RANBP2: variants seen among roughly 807,000 people sequenced by gnomAD.
RANBP2 encodes E3 SUMO-protein ligase RanBP2.
RANBP2 carries 57 observed loss-of-function variants against 303.6 expected under a neutral mutation model. That is an observed-to-expected ratio of 0.19 (90% CI 0.15 to 0.23). The LOEUF is 0.23. RANBP2 is among the 10% of genes least tolerant of loss of function. The pLI is 1.00. For synonymous variants in RANBP2, 1,167 were observed against 1,301.5 expected, an observed-to-expected ratio of 0.90 and a Z score of 2.23; for missense variants, 3,138 against 3,780.8, an observed-to-expected ratio of 0.83 and a Z score of 4.46.
the RANBP2 span, among the ~76,000 whole-genome samples, chr2:109,718,580 A>G: frequency 2.0e-5 from 3 of 152,206 alleles, no homozygotes; most frequent in African/African-American, 7.2e-5. Context: ...GGATCAAGGT[A>G]CAGGAGGATG....
chr2:108,723,213 T>C lies in RANBP2; in HGVS notation c.72+3535T>C, dbSNP rs532426969. Among the ~76,000 whole-genome samples the C allele has an allele frequency of 3.3e-5, 5 of 152,248 alleles. No homozygotes were observed. In the East Asian group the frequency reaches 5.8e-4, roughly 18 times the overall value. On this transcript the variant is annotated intron_variant, in intron 1 of 28. Transcript: ENST00000283195. ...TGCCCTTTACAGCTATACTTCATAC[T>C]TCTGAGTAACACACATATATACTTT...
chr2:108,826,159 T>G, the RANBP2 span, among the ~76,000 whole-genome samples: 10 of 152,212 alleles, frequency 6.6e-5, no homozygotes, highest in African/African-American at 2.2e-4. Flanking sequence ...TCAAGATGGA[T>G]GTACCTTATC....
chr2:109,256,281 C>T, the RANBP2 span, among the ~76,000 whole-genome samples: 1 of 152,128 alleles, frequency 6.6e-6, no homozygotes, highest in African/African-American at 2.4e-5. Flanking sequence ...CCTGGTTGAG[C>T]GTATTACTGG....
At chr2:109,119,466 G>T in the RANBP2 span, among the ~76,000 whole-genome samples, 1 of 152,212 alleles carries the variant, frequency 6.6e-6, no homozygotes, top group South Asian at 2.1e-4. Context: ...GCCAAGACAA[G>T]AATTCAGATA....
chr2:108,888,828 C>G, the RANBP2 span, among the ~76,000 whole-genome samples: 1 of 151,476 alleles, frequency 6.6e-6, no homozygotes, highest in Non-Finnish European at 1.5e-5. Flanking sequence ...TTTATTATTT[C>G]TTTTTGTCTA....
At chr2:109,431,552 G>T in the RANBP2 span, among the ~76,000 whole-genome samples, 1 of 152,194 alleles carries the variant, frequency 6.6e-6, no homozygotes, top group South Asian at 2.1e-4. Flanking sequence ...CCTAAGCTGG[G>T]ATTTTCACCA....
chr2:109,669,994 C>T, the RANBP2 span, among the ~76,000 whole-genome samples: 1 of 152,178 alleles, frequency 6.6e-6, no homozygotes, highest in South Asian at 2.1e-4. Flanking sequence ...TTTCTACCAC[C>T]CTGGCCATGC....
chr2:108,890,831 G>T, the RANBP2 span, among the ~76,000 whole-genome samples: 2 of 152,088 alleles, frequency 1.3e-5, no homozygotes, highest in African/African-American at 4.8e-5. Flanking sequence ...GTTTTCCCAA[G>T]TGTCATGAAG....
At chr2:109,379,781 A>G in the RANBP2 span, among the ~76,000 whole-genome samples, 1 of 152,042 alleles carries the variant, frequency 6.6e-6, no homozygotes, top group Admixed American at 6.5e-5. Context: ...CTGCAGGTGA[A>G]GCCCGGTCAT....
chr2:108,970,101 A>G, the RANBP2 span, among the ~76,000 whole-genome samples: 1 of 152,160 alleles, frequency 6.6e-6, no homozygotes, highest in Non-Finnish European at 1.5e-5. Context: ...ACGGATGGGT[A>G]GTGTGGCCTC....
At chr2:109,687,515 C>T in the RANBP2 span, among the ~76,000 whole-genome samples, 4 of 152,136 alleles carry the variant, frequency 2.6e-5, no homozygotes, top group African/African-American at 7.2e-5. Context: ...AGGCCAATCT[C>T]GCACCACAAG....
the RANBP2 span, among the ~76,000 whole-genome samples, chr2:109,495,477 CTTT>C: frequency 2.5e-3 from 231 of 94,142 alleles, no homozygotes; most frequent in African/African-American, 9.1e-3. Context: ...TCTTTCATTC[CTTT>C]TTTTTTTTTT....
chr2:109,476,200 T>G, the RANBP2 span, among the ~76,000 whole-genome samples: 1 of 152,158 alleles, frequency 6.6e-6, no homozygotes, highest in Non-Finnish European at 1.5e-5. Flanking sequence ...GTTACCTGAG[T>G]CCTCCACTCA....
the RANBP2 span, among the ~76,000 whole-genome samples, chr2:109,532,001 G>A: frequency 3.3e-5 from 5 of 152,256 alleles, no homozygotes; most frequent in African/African-American, 1.2e-4. Flanking sequence ...TGTGACAAAA[G>A]TGAATACACA....
At chr2:109,085,998 G>A in the RANBP2 span, among the ~76,000 whole-genome samples, 1 of 152,146 alleles carries the variant, frequency 6.6e-6, no homozygotes, top group Admixed American at 6.5e-5. Flanking sequence ...AACTGTTCTA[G>A]GGAGTTCATA....
In RANBP2 at chr2:108,727,603, A is replaced by ATT. The variant is rs34554578; in HGVS notation, c.73-1510_73-1509dup. ...TGGAACATACTCTGGTTGTATCAGCATTTTTTTTTTTTTTTTTTTTGAGAT... is the reference window on the plus strand; with the variant it reads ...TGGAACATACTCTGGTTGTATCAGCATTTTTTTTTTTTTTTTTTTTTTGAGAT... On this transcript the variant is annotated intron_variant, in intron 1 of 28. Coordinates refer to ENST00000283195, the MANE Select transcript of RANBP2 (RefSeq NM_006267.5). 3.1e-3 allele frequency among the ~76,000 whole-genome samples: 374 copies of ATT among 119,724 alleles called. 3 individuals are homozygous for ATT. The highest frequency in any genetic ancestry group is 0.012 in the African/African-American group (332 of 27,908). 78.5% of individuals were successfully genotyped at this position (119,724 alleles called of 152,430 possible).
At chr2:109,282,511 G>A in the RANBP2 span, among the ~76,000 whole-genome samples, 2 of 152,164 alleles carry the variant, frequency 1.3e-5, no homozygotes, top group Admixed American at 6.5e-5. Flanking sequence ...CCTGCCCTGC[G>A]GTGGGAGGAC....
chr2:109,365,679 C>G, the RANBP2 span, among the ~76,000 whole-genome samples: 4 of 152,128 alleles, frequency 2.6e-5, no homozygotes, highest in African/African-American at 9.7e-5. Context: ...AACTAAAAGC[C>G]ACAGACACTG....
the RANBP2 span, among the ~76,000 whole-genome samples, chr2:109,655,782 T>C: frequency 1.3e-4 from 20 of 152,252 alleles, no homozygotes; most frequent in African/African-American, 4.6e-4. Flanking sequence ...TCCTATATCA[T>C]TGTATTAAAT....
Sources: allele counts gnomAD v4.1 joint callset (sites outside exome capture counted in the v4.1 genomes callset), GRCh38; gene constraint gnomAD v4.1.1; transcripts MANE v1.5; gene names NCBI Gene and HGNC (gene_info 2026-07-23, HGNC 2026-07-21).